SYN3: variants seen among roughly 807,000 people sequenced by gnomAD.
SYN3 encodes synapsin III, also known as synapsin-3.
Under a neutral mutation model 65.8 loss-of-function variants are expected in SYN3, and 35 were observed. The observed-to-expected ratio is 0.53, with a 90% confidence interval of 0.41 to 0.70. The LOEUF (loss-of-function observed/expected upper bound fraction) is 0.70. SYN3 is among the 30% of genes least tolerant of loss of function. SYN3 has a pLI of 0.00. For missense variants in SYN3, 680 were observed against 749.0 expected (o/e 0.91, Z 1.08); for synonymous variants, 270 against 292.9 (o/e 0.92, Z 0.80).
chr22:32,880,407 G>T (rs914545739), intron 4 of SYN3, among the ~76,000 whole-genome samples: 1 of 152,218 alleles, frequency 6.6e-6, no homozygotes, highest in African/African-American at 2.4e-5. Context: ...TCTTAGAGAA[G>T]CTCTGGCCTT....
At chr22:32,858,249 G>C in intron 6 of SYN3, 1 of 1,497,506 alleles carries the variant, frequency 6.7e-7, no homozygotes, top group Non-Finnish European at 9.1e-7. Flanking sequence ...GGGTATGCAT[G>C]TGTTAGGCCA....
chr22:32,804,729 C>T (rs1327389353), intron 6 of SYN3, among the ~76,000 whole-genome samples: 2 of 152,188 alleles, frequency 1.3e-5, no homozygotes, highest in African/African-American at 2.4e-5. Context: ...TCTATGGCAA[C>T]TCCAGGCCCT....
intron 6 of SYN3, among the ~76,000 whole-genome samples, chr22:32,651,253 C>T (rs1265270397): frequency 6.6e-6 from 1 of 152,132 alleles, no homozygotes; most frequent in Non-Finnish European, 1.5e-5. Context: ...AAAGAGAAGC[C>T]ACTGAACTTG....
intron 6 of SYN3, among the ~76,000 whole-genome samples, chr22:32,732,788 T>C (rs2061287237): frequency 1.3e-5 from 2 of 152,210 alleles, no homozygotes; most frequent in African/African-American, 4.8e-5. Context: ...ACTTAGAACT[T>C]ACAGATGGAA....
intron 6 of SYN3, among the ~76,000 whole-genome samples, chr22:32,855,471 G>A (rs1452524804): frequency 6.6e-6 from 1 of 152,304 alleles, no homozygotes; most frequent in South Asian, 2.1e-4. Context: ...GACTCTGAAG[G>A]CAGAGTCCTC....
intron 12 of SYN3, among the ~76,000 whole-genome samples, chr22:32,523,001 T>C (rs762449242): frequency 3.5e-4 from 53 of 152,356 alleles, no homozygotes; most frequent in Admixed American, 7.8e-4. Context: ...TTTTCTAAAT[T>C]GGAGGGTTGT....
At chr22:32,618,200 G>T (rs1282779170) in intron 6 of SYN3, among the ~76,000 whole-genome samples, 1 of 152,178 alleles carries the variant, frequency 6.6e-6, no homozygotes, top group African/African-American at 2.4e-5. Flanking sequence ...CTGACACAGA[G>T]TCGTAGAGTA....
chr22:33,014,728 C>A (rs533546629), intron 1 of SYN3, among the ~76,000 whole-genome samples: 2 of 152,014 alleles, frequency 1.3e-5, no homozygotes, highest in Non-Finnish European at 2.9e-5. Flanking sequence ...TGCGGTGAGC[C>A]GAAATCGCGC....
intron 1 of SYN3, among the ~76,000 whole-genome samples, chr22:33,032,962 A>G (rs2053780739): frequency 2.0e-5 from 3 of 152,036 alleles, no homozygotes; most frequent in Non-Finnish European, 4.4e-5. Flanking sequence ...ACACGTTCTC[A>G]GGGCCTCTCG....
intron 12 of SYN3, chr22:32,527,603 GAAA>G (rs130455): frequency 5.7e-4 from 100 of 175,248 alleles, no homozygotes; most frequent in Middle Eastern, 2.3e-3. Context: ...TGTCTCAAAA[GAAA>G]AAAAAAAAAA....
intron 6 of SYN3, among the ~76,000 whole-genome samples, chr22:32,609,532 A>C (rs1242466252): frequency 6.7e-6 from 1 of 149,586 alleles, no homozygotes; most frequent in African/African-American, 2.5e-5. Context: ...GCTGGAGTAC[A>C]GTGGCGTGGT....
chr22:32,663,670 C>T (rs1330120527), intron 6 of SYN3, among the ~76,000 whole-genome samples: 5 of 152,148 alleles, frequency 3.3e-5, no homozygotes, highest in African/African-American at 1.2e-4. Context: ...CTGACTAATA[C>T]AGCATGTAGG....
At chr22:32,737,269 G>C (rs2061346888) in intron 6 of SYN3, among the ~76,000 whole-genome samples, 1 of 152,140 alleles carries the variant, frequency 6.6e-6, no homozygotes, top group South Asian at 2.1e-4. Flanking sequence ...CTGAGGGTTG[G>C]TGAAGCTAAG....
chr22:32,596,637 G>C (rs1601720304), intron 7 of SYN3, 37 bp downstream of exon 7: 1 of 1,609,412 alleles, frequency 6.2e-7, no homozygotes. Flanking sequence ...GAATCTCTGG[G>C]TGTGTCCACT....
intron 6 of SYN3, among the ~76,000 whole-genome samples, chr22:32,695,005 C>G (rs1054482526): frequency 6.6e-6 from 1 of 152,148 alleles, no homozygotes; most frequent in Non-Finnish European, 1.5e-5. Flanking sequence ...CTTTATTTTT[C>G]CTTCAGAATT....
At chr22:32,548,651 C>T (rs975707615) in intron 7 of SYN3, among the ~76,000 whole-genome samples, 3 of 152,144 alleles carry the variant, frequency 2.0e-5, no homozygotes, top group African/African-American at 7.2e-5. Flanking sequence ...GGATTACAGG[C>T]GTGAGCCACC....
Position 32,528,893 on chromosome 22 carries a change from G to A in SYN3, c.1211C>T (p.Pro404Leu). 1 of 1,614,120 alleles carries A rather than the reference G, an allele frequency of 6.2e-7. No homozygotes were observed. The highest frequency in any genetic ancestry group is 2.2e-5 in the East Asian group (1 of 44,860). The change falls in exon 11 of 14, where the codon CCC becomes CTC. Residue 404 changes from proline to leucine, a missense_variant. Pro to Leu is a moderately conservative substitution (Grantham distance 98). Transcript: ENST00000358763. ...SQLPMPGGTAPSPLRPWAPQI... is the reference protein window; with the variant it reads ...SQLPMPGGTALSPLRPWAPQI... Reference sequence around the variant, plus strand: ...TCTTACCCAAGGTCTGAGGGGGGAGGGCGCTGTGCCTCCTGGCATCGGGAG... The same window carrying A: ...TCTTACCCAAGGTCTGAGGGGGGAGAGCGCTGTGCCTCCTGGCATCGGGAG...
At chr22:32,770,602 T>C (rs1602106085) in intron 6 of SYN3, among the ~76,000 whole-genome samples, 1 of 152,208 alleles carries the variant, frequency 6.6e-6, no homozygotes, top group African/African-American at 2.4e-5. Flanking sequence ...TCTCTGTCTC[T>C]GTCCTTGTTC....
intron 4 of SYN3, among the ~76,000 whole-genome samples, chr22:32,917,114 A>G (rs1459132608): frequency 6.6e-6 from 1 of 152,220 alleles, no homozygotes; most frequent in Non-Finnish European, 1.5e-5. Flanking sequence ...AACAATTGAA[A>G]GACTTCCTCA....
Sources: allele counts gnomAD v4.1 joint callset (sites outside exome capture counted in the v4.1 genomes callset), GRCh38; gene constraint gnomAD v4.1.1; transcripts MANE v1.5; gene names NCBI Gene and HGNC (gene_info 2026-07-23, HGNC 2026-07-21).